The following OR1D2 variants were observed in gnomAD, a reference collection of about 807,000 sequenced individuals.
OR1D2 encodes the protein olfactory receptor family 1 subfamily D member 2.
For missense variants in OR1D2, 357 were observed against 376.1 expected (o/e 0.95, Z 0.42); for synonymous variants, 157 against 153.9 (o/e 1.02, Z -0.15).
chr17:3,097,953 C>CGTG (rs1465964835), intron 1 of OR1D2, among the ~76,000 whole-genome samples: 1 of 152,174 alleles, frequency 6.6e-6, no homozygotes, highest in Non-Finnish European at 1.5e-5. Context: ...CCCACTCTTC[C>CGTG]TCACTGGGTG....
At position 3,092,685 on chromosome 17, in the gene OR1D2, C is replaced by T. The variant is rs1241476810; in HGVS notation, c.312G>A (p.Leu104=). The stretch of plus-strand genomic sequence containing the variant: ...GGTTGTCCAGGGCCACCAAGGAGAC[C>T]AGGAAGTAGAGCTGTGTCAGACACC... ...YAGCLTQLYF[L]VSLVALDNLI... The change falls in exon 2 of 2, where the codon CTG becomes CTA. Residue 104 remains leucine, a synonymous_variant. Coordinates refer to ENST00000641833, the MANE Select transcript of OR1D2 (RefSeq NM_002548.3). The T allele has an allele frequency of 1.9e-6, 3 of 1,614,036 alleles. No homozygotes were observed. In the Admixed American group the frequency reaches 5.0e-5, roughly 27 times the overall value.
intron 1 of OR1D2, among the ~76,000 whole-genome samples, chr17:3,097,428 G>A (rs555290217): frequency 1.2e-4 from 19 of 152,310 alleles, no homozygotes; most frequent in East Asian, 7.7e-4. Context: ...TGGTATGATC[G>A]TATGCTGAGA....
chr17:3,092,536 A>G lies in OR1D2; in HGVS notation c.461T>C (p.Leu154Pro), dbSNP rs369318993. ...GAGGAGGGTGTGTATGAGGCCATAG[A>G]GGACGGATAGGACCCAACACAAGGA... ...LLSLCWVLSVLYGLIHTLLMT... is the reference protein window; with the variant it reads ...LLSLCWVLSVPYGLIHTLLMT... The change falls in exon 2 of 2, where the codon CTC becomes CCC. Residue 154 changes from leucine (L) to proline (P), a missense_variant. Transcript: ENST00000641833. 6.2e-7 allele frequency: 1 copy of G among 1,614,164 alleles called. No homozygotes were observed. Among genetic ancestry groups the G allele is most frequent in the Non-Finnish European group, 8.5e-7 (1 of 1,180,032 alleles).
Position 3,090,381 on chromosome 17 carries a change from G to GT in OR1D2, c.*1676dup, listed in dbSNP as rs1343512573. 6.6e-6 allele frequency: 1 copy of GT among 152,146 alleles called. No homozygotes were observed. The highest frequency in any genetic ancestry group is 2.4e-5 in the African/African-American group (1 of 41,442). The allele number at this position is 152,146 out of a possible 1,614,324, so 9.4% of individuals were successfully genotyped here. A position where few individuals can be genotyped will look rare whatever the true frequency, so the allele number is the denominator to read the frequency against. Reference sequence around the variant, plus strand: ...TGATTTTGTTTAGTAGTTTACCTGTGTTTTTGTGTGGGTCACCATGTTTCT... The same window carrying GT: ...TGATTTTGTTTAGTAGTTTACCTGTGTTTTTTGTGTGGGTCACCATGTTTCT... On this transcript the variant is annotated 3_prime_UTR_variant, in exon 2 of 2. Coordinates refer to ENST00000641833, the MANE Select transcript of OR1D2 (RefSeq NM_002548.3).
chr17:3,103,400 C>G (rs551886627), intron 1 of OR1D2, among the ~76,000 whole-genome samples: 27 of 152,266 alleles, frequency 1.8e-4, no homozygotes, highest in Admixed American at 3.9e-4. Context: ...GCCATTGCAT[C>G]TGGCCAGATA....
At chr17:3,098,056 G>A (rs536681780) in intron 1 of OR1D2, among the ~76,000 whole-genome samples, 13 of 152,320 alleles carry the variant, frequency 8.5e-5, no homozygotes, top group South Asian at 4.1e-4. Context: ...AGAGGTGGCC[G>A]CAATCTCTGT....
intron 1 of OR1D2, among the ~76,000 whole-genome samples, chr17:3,094,870 A>T (rs535508125): frequency 6.6e-6 from 1 of 152,288 alleles, no homozygotes; most frequent in African/African-American, 2.4e-5. Flanking sequence ...CAAAATGTAC[A>T]GTAACTGAAA....
In OR1D2 at chr17:3,092,533, T is replaced by C. The variant is rs748953080; in HGVS notation, c.464A>G (p.Tyr155Cys). Residue 155 changes from tyrosine to cysteine, a missense_variant, in exon 2 of 2, where the codon TAT (tyrosine) becomes TGT (cysteine). Physicochemically the swap from Tyr to Cys is radical, Grantham distance 194 (BLOSUM62 -2). Transcript: ENST00000641833. Reference protein sequence around the residue: ...LSLCWVLSVLYGLIHTLLMTR... With the variant: ...LSLCWVLSVLCGLIHTLLMTR... ...CATGAGGAGGGTGTGTATGAGGCCA[T>C]AGAGGACGGATAGGACCCAACACAA... is the stretch of plus-strand genomic sequence containing the variant. 5.0e-6 allele frequency: 8 copies of C among 1,614,082 alleles called. No homozygotes were observed. In the Middle Eastern group the frequency reaches 9.9e-4, roughly 200 times the overall value.
At chr17:3,099,889 C>A (rs1193224242) in intron 1 of OR1D2, among the ~76,000 whole-genome samples, 1 of 152,126 alleles carries the variant, frequency 6.6e-6, no homozygotes, top group Non-Finnish European at 1.5e-5. Flanking sequence ...CAATCCTAGT[C>A]TCTGACAAAA....
rs117433445 is a variant in OR1D2 at position 3,098,248 on chromosome 17, C to G, written c.-50-5202G>C. ...CCCTCCAACAGGGGATGTCAGACAC[C>G]CTATACAGGAGTGAACCTACTCGTA... is the stretch of plus-strand genomic sequence containing the variant. On this transcript the variant is annotated intron_variant, in intron 1 of 1. Coordinates refer to ENST00000641833, the MANE Select transcript of OR1D2 (RefSeq NM_002548.3). Among the ~76,000 whole-genome samples the G allele has an allele frequency of 7.4e-4, 112 of 152,258 alleles. No homozygotes were observed. In the East Asian group the frequency reaches 0.019, roughly 25 times the overall value.
intron 1 of OR1D2, among the ~76,000 whole-genome samples, chr17:3,095,173 C>T (rs2047837918): frequency 6.6e-6 from 1 of 151,878 alleles, no homozygotes; most frequent in African/African-American, 2.4e-5. Flanking sequence ...AAACTTTAGG[C>T]AGAATAAATA....
chr17:3,091,923 T>C lies in OR1D2; in HGVS notation c.*135A>G. The C allele has an allele frequency of 7.4e-6, 5 of 680,002 alleles. No homozygotes were observed. Among genetic ancestry groups the C allele is most frequent in the Non-Finnish European group, 1.3e-5 (5 of 399,256 alleles). The allele number at this position is 680,002 out of a possible 1,614,324, so 42.1% of individuals were successfully genotyped here. ...CCAGGTTACAAATATGTCTTTTTTA[T>C]CACCACATATCTATATGCTGTCTCT... On this transcript the variant is annotated 3_prime_UTR_variant, in exon 2 of 2. Coordinates refer to ENST00000641833, the MANE Select transcript of OR1D2 (RefSeq NM_002548.3).
intron 1 of OR1D2, among the ~76,000 whole-genome samples, chr17:3,096,148 AG>A (rs2047843651): frequency 6.6e-6 from 1 of 152,144 alleles, no homozygotes; most frequent in Admixed American, 6.5e-5. Context: ...TTAATGGAAA[AG>A]GAAGTGGACA....
chr17:3,102,031 A>G (rs2047876993), intron 1 of OR1D2, among the ~76,000 whole-genome samples: 2 of 152,188 alleles, frequency 1.3e-5, no homozygotes, highest in Non-Finnish European at 2.9e-5. Flanking sequence ...AAAATATCAC[A>G]TGTACCCCCA....
chr17:3,100,606 AT>A (rs1259402232), intron 1 of OR1D2, among the ~76,000 whole-genome samples: 2 of 152,210 alleles, frequency 1.3e-5, no homozygotes, highest in East Asian at 3.8e-4. Context: ...TAACATCACT[AT>A]TAAAAGAGCT....
Position 3,089,584 on chromosome 17 carries a change from G to GC in OR1D2, c.*2473_*2474insG. On this transcript the variant is annotated 3_prime_UTR_variant, in exon 2 of 2. Coordinates refer to ENST00000641833, the MANE Select transcript of OR1D2 (RefSeq NM_002548.3). ...AGTATTCCAGTTTCTCAGGTGGTGA[G>GC]TGGGACCATAGAGCTCCCAAGAGAT... 6.6e-6 allele frequency: 1 copy of GC among 152,446 alleles called. No homozygotes were observed. Among genetic ancestry groups the GC allele is most frequent in the East Asian group, 1.9e-4 (1 of 5,188 alleles). 9.4% of individuals were successfully genotyped at this position (152,446 alleles called of 1,614,324 possible).
rs1015117452 is a variant in OR1D2, at chr17:3,089,456, T to G, written c.*2602A>C. 6.6e-6 allele frequency: 1 copy of G among 152,288 alleles called. No homozygotes were observed. Among genetic ancestry groups the G allele is most frequent in the African/African-American group, 2.4e-5 (1 of 41,452 alleles). The allele number at this position is 152,288 out of a possible 1,614,324, so 9.4% of individuals were successfully genotyped here. On this transcript the variant is annotated 3_prime_UTR_variant, in exon 2 of 2. Coordinates refer to ENST00000641833, the MANE Select transcript of OR1D2 (RefSeq NM_002548.3). ...CTATGGTCCTTGGTTGAAGTTTTGT[T>G]TAGTGTACTAGTTGGCCTCCAGCCA...
intron 1 of OR1D2, among the ~76,000 whole-genome samples, chr17:3,100,505 C>G (rs1413458791): frequency 6.6e-6 from 1 of 152,118 alleles, no homozygotes; most frequent in Non-Finnish European, 1.5e-5. Context: ...GTACCAGAAT[C>G]TCTGGGACAC....
chr17:3,098,524 C>T (rs142225539), intron 1 of OR1D2, among the ~76,000 whole-genome samples: 33 of 152,288 alleles, frequency 2.2e-4, no homozygotes, highest in African/African-American at 5.8e-4. Flanking sequence ...GGGGCGGCAG[C>T]CTCAAAGATC....
Sources: allele counts gnomAD v4.1 joint callset (sites outside exome capture counted in the v4.1 genomes callset), GRCh38; gene constraint gnomAD v4.1.1; transcripts MANE v1.5; gene names NCBI Gene and HGNC (gene_info 2026-07-23, HGNC 2026-07-21).